LPP: variants seen among roughly 807,000 people sequenced by gnomAD.
The protein encoded by LPP is lipoma-preferred partner.
In LPP, 38 loss-of-function variants were observed where a neutral mutation model predicts 60.4. The observed-to-expected ratio is 0.63, with a 90% confidence interval of 0.49 to 0.83. LPP has a LOEUF of 0.83. Among genes scored for constraint, LPP ranks in the 40% least tolerant of loss-of-function variants. The pLI is 0.00. For missense variants in LPP, 902 were observed against 783.6 expected, an observed-to-expected ratio of 1.15 and a Z score of -1.80; for synonymous variants, 328 against 290.8, an observed-to-expected ratio of 1.13 and a Z score of -1.30.
intron 6 of LPP, among the ~76,000 whole-genome samples, chr3:188,581,396 T>G (rs1204795173): frequency 6.6e-6 from 1 of 152,200 alleles, no homozygotes; most frequent in African/African-American, 2.4e-5. Context: ...TCAGACAGTC[T>G]TTTGTATTAG....
In LPP at chr3:188,871,915, T is replaced by TTATATG. The variant is rs530818655; in HGVS notation, c.1590-718_1590-713dup. ...CTCAAAAACATATGCATATGCATAT[T>TTATATG]TATATGTATATGTATGTGTATGTGT... On this transcript the variant is annotated intron_variant, in intron 10 of 11. Coordinates refer to ENST00000617246, the MANE Select transcript of LPP (RefSeq NM_001375462.1). 8.9e-4 allele frequency among the ~76,000 whole-genome samples: 136 copies of TTATATG among 152,302 alleles called. 1 individual carries two copies. The highest frequency in any genetic ancestry group is 1.7e-3 in the Admixed American group (26 of 15,296).
rs145570419 is a variant in LPP at position 188,268,662 on chromosome 3, G to T, written c.-67+43135G>T. Among the ~76,000 whole-genome samples, 39 of 152,324 alleles carry T rather than the reference G, an allele frequency of 2.6e-4. No individual in the cohort carries two copies. In the East Asian group the frequency reaches 5.8e-3, roughly 23 times the overall value. On this transcript the variant is annotated intron_variant, in intron 2 of 11. Transcript: ENST00000617246. ...CTTTAGGCTAAACGTAATTTAACAAGATTCAATGAGATTATACCTGTACGC... is the reference window on the plus strand; with the variant it reads ...CTTTAGGCTAAACGTAATTTAACAATATTCAATGAGATTATACCTGTACGC...
chr3:188,647,302 G>A (rs986325916), intron 7 of LPP, among the ~76,000 whole-genome samples: 6 of 152,144 alleles, frequency 3.9e-5, no homozygotes, highest in African/African-American at 1.2e-4. Context: ...GGCTTGATCC[G>A]GTAAAGAGCG....
intron 9 of LPP, among the ~76,000 whole-genome samples, chr3:188,766,148 G>A (rs1734044869): frequency 6.6e-6 from 1 of 151,842 alleles, no homozygotes; most frequent in Non-Finnish European, 1.5e-5. Flanking sequence ...TTGGATTACA[G>A]GCATGAGCCA....
chr3:188,367,362 A>G lies in LPP; in HGVS notation c.-10+25643A>G, dbSNP rs556910099. ...TCTTCTACATTCCAAGAAAATCTCA[A>G]GAAGTAGAAATCACTCTGAGTGTCA... On this transcript the variant is annotated intron_variant, in intron 3 of 11. Coordinates refer to ENST00000617246, the MANE Select transcript of LPP (RefSeq NM_001375462.1). Among the ~76,000 whole-genome samples, 8 of 152,326 alleles carry G rather than the reference A, an allele frequency of 5.3e-5. 1 individual carries two copies. The South Asian group carries it at 1.7e-3, about 32-fold the overall frequency.
intron 2 of LPP, among the ~76,000 whole-genome samples, chr3:188,313,692 T>G (rs536713218): frequency 6.6e-6 from 1 of 152,180 alleles, no homozygotes; most frequent in South Asian, 2.1e-4. Context: ...GATATACTTA[T>G]GAGGTTTGCT....
At chr3:188,226,789 T>A (rs1402880386) in intron 2 of LPP, among the ~76,000 whole-genome samples, 4 of 152,244 alleles carry the variant, frequency 2.6e-5, no homozygotes, top group Non-Finnish European at 5.9e-5. Context: ...ACTAACTTCA[T>A]TTAAAAGTGT....
At chr3:188,493,763 G>A (rs372977112) in intron 5 of LPP, among the ~76,000 whole-genome samples, 2 of 152,014 alleles carry the variant, frequency 1.3e-5, no homozygotes, top group African/African-American at 2.4e-5. Context: ...CTTATAATAT[G>A]TTGAAAATAT....
At chr3:188,382,110 A>G (rs779702884) in intron 3 of LPP, among the ~76,000 whole-genome samples, 2 of 152,106 alleles carry the variant, frequency 1.3e-5, no homozygotes, top group Non-Finnish European at 2.9e-5. Context: ...AAGATAGAGA[A>G]AAAAGCCCTG....
At chr3:188,760,823 G>A (rs919738548) in intron 9 of LPP, among the ~76,000 whole-genome samples, 4 of 152,146 alleles carry the variant, frequency 2.6e-5, no homozygotes, top group African/African-American at 9.7e-5. Context: ...CAGGGGAACT[G>A]TTTATTATAA....
At chr3:188,203,448 AATATATATAAATATAT>A (rs1283824740) in intron 1 of LPP, among the ~76,000 whole-genome samples, 53 of 86,586 alleles carry the variant, frequency 6.1e-4, no homozygotes, top group Admixed American at 1.2e-3. Flanking sequence ...TATTTATATA[AATATATATAAATATAT>A]ATATTTTTAA....
intron 7 of LPP, among the ~76,000 whole-genome samples, chr3:188,629,102 C>T (rs955823990): frequency 6.6e-6 from 1 of 152,056 alleles, no homozygotes; most frequent in African/African-American, 2.4e-5. Flanking sequence ...AAGGAACATA[C>T]TTCAAAATAA....
At chr3:188,153,268 C>G (rs940267766), upstream of LPP, 5 of 152,268 alleles carry the variant, frequency 3.3e-5, no homozygotes, top group Admixed American at 3.3e-4. Context: ...TGCTGAGTGA[C>G]GACCCTGTAC....
At chr3:188,338,881 G>C (rs569510406) in intron 2 of LPP, among the ~76,000 whole-genome samples, 1 of 152,150 alleles carries the variant, frequency 6.6e-6, no homozygotes, top group Non-Finnish European at 1.5e-5. Flanking sequence ...GTGAGGTGTG[G>C]TGGAAAATTC....
intron 5 of LPP, among the ~76,000 whole-genome samples, chr3:188,485,740 T>G (rs1177472099): frequency 3.9e-5 from 5 of 128,548 alleles, no homozygotes; most frequent in Non-Finnish European, 3.1e-5. Flanking sequence ...GAGCTTGCAG[T>G]GAGCCGAGAT....
chr3:188,441,611 T>TTTC (rs1560409450), intron 4 of LPP, among the ~76,000 whole-genome samples: 1 of 54,004 alleles, frequency 1.9e-5, no homozygotes, highest in African/African-American at 1.0e-4. Flanking sequence ...TTTCTTTTCT[T>TTTC]TTTTTTTTTT....
At chr3:188,306,226 G>T (rs1226142060) in intron 2 of LPP, among the ~76,000 whole-genome samples, 1 of 151,170 alleles carries the variant, frequency 6.6e-6, no homozygotes, top group Non-Finnish European at 1.5e-5. Flanking sequence ...GATTGCAGGT[G>T]TGCACCACCA....
intron 3 of LPP, among the ~76,000 whole-genome samples, chr3:188,355,297 G>A (rs569087567): frequency 6.6e-5 from 10 of 152,220 alleles, no homozygotes; most frequent in East Asian, 1.9e-4. Context: ...GTGAGCCACC[G>A]CGCCTGGCTA....
At position 188,862,385 on chromosome 3, in the gene LPP, T is replaced by A. The variant is rs112016134; in HGVS notation, c.1411-3815T>A. Among the ~76,000 whole-genome samples, 153 of 152,196 alleles carry A rather than the reference T, an allele frequency of 1.0e-3. 1 individual carries two copies. The highest frequency in any genetic ancestry group is 3.6e-3 in the African/African-American group (150 of 41,522). Reference sequence around the variant, plus strand: ...TACAATCCTATGGGAGTGGAAGAAGTTACTTACTTTTCTTGGAATACAACA... The same window carrying A: ...TACAATCCTATGGGAGTGGAAGAAGATACTTACTTTTCTTGGAATACAACA... On this transcript the variant is annotated intron_variant, in intron 9 of 11. Coordinates refer to ENST00000617246, the MANE Select transcript of LPP (RefSeq NM_001375462.1).
Sources: gnomAD v4.1 joint callset for allele counts (sites outside exome capture counted in the v4.1 genomes callset) on GRCh38, gnomAD v4.1.1 for gene constraint, MANE v1.5 for transcripts, NCBI Gene and HGNC (gene_info 2026-07-23, HGNC 2026-07-21) for gene names.